Variants in MTA3 observed in about 807,000 individuals in gnomAD.
MTA3 encodes the protein metastasis associated 1 family member 3.
Under a neutral mutation model 83.5 loss-of-function variants are expected in MTA3, and 34 were observed. That is an observed-to-expected ratio of 0.41 (90% CI 0.31 to 0.54). The LOEUF (loss-of-function observed/expected upper bound fraction) is 0.54, where lower values mean the gene tolerates loss of function less well. Among genes scored for constraint, MTA3 ranks in the 20% least tolerant of loss-of-function variants. The pLI is 0.33. For missense variants in MTA3, 761 were observed against 726.4 expected (o/e 1.05, Z -0.55); for synonymous variants, 303 against 252.7 (o/e 1.20, Z -1.89).
chr2:42,660,980 C>T (rs1689640402), intron 8 of MTA3, among the ~76,000 whole-genome samples: 1 of 152,158 alleles, frequency 6.6e-6, no homozygotes, highest in African/African-American at 2.4e-5. Context: ...CCACTGCTCC[C>T]AGCCTTGTTT....
intron 3 of MTA3, among the ~76,000 whole-genome samples, chr2:42,593,061 G>C (rs913014154): frequency 2.6e-5 from 4 of 152,042 alleles, no homozygotes; most frequent in Admixed American, 6.5e-5. Flanking sequence ...ACTGAGGCAG[G>C]AGAATCGCTT....
chr2:42,582,209 C>G (rs1679743470), intron 3 of MTA3, among the ~76,000 whole-genome samples: 1 of 152,114 alleles, frequency 6.6e-6, no homozygotes. Flanking sequence ...AGGCGCCTGC[C>G]ACCACGCCCG....
intron 6 of MTA3, among the ~76,000 whole-genome samples, chr2:42,652,377 C>A (rs891269185): frequency 6.6e-6 from 1 of 152,204 alleles, no homozygotes; most frequent in Non-Finnish European, 1.5e-5. Flanking sequence ...GATCTCCCCC[C>A]ATCCCCCCAC....
intron 3 of MTA3, among the ~76,000 whole-genome samples, chr2:42,605,640 A>G (rs1248733615): frequency 4.4e-5 from 4 of 91,808 alleles, no homozygotes; most frequent in Non-Finnish European, 6.5e-5. Context: ...TCCCTCCCGG[A>G]CGGGGCGGCT....
chr2:42,721,695 C>T (rs898011115), intron 15 of MTA3, among the ~76,000 whole-genome samples: 1 of 152,058 alleles, frequency 6.6e-6, no homozygotes, highest in Middle Eastern at 3.2e-3. Context: ...TTAATTTCAG[C>T]CTTAAAAGAT....
intron 16 of MTA3, among the ~76,000 whole-genome samples, chr2:42,732,972 G>A (rs907068012): frequency 6.6e-6 from 1 of 152,170 alleles, no homozygotes; most frequent in African/African-American, 2.4e-5. Flanking sequence ...TTTGGGCAAA[G>A]CCATTCAGCA....
chr2:42,745,466 G>T (rs1326200206), intron 16 of MTA3, among the ~76,000 whole-genome samples: 1 of 152,154 alleles, frequency 6.6e-6, no homozygotes, highest in Non-Finnish European at 1.5e-5. Flanking sequence ...TTTTCTTATT[G>T]TTTCTCTATA....
intron 2 of MTA3, among the ~76,000 whole-genome samples, chr2:42,507,240 C>T (rs561405927): frequency 1.3e-5 from 2 of 152,210 alleles, no homozygotes; most frequent in Admixed American, 1.3e-4. Flanking sequence ...GGCACAATCA[C>T]AGCTCACTGT....
intron 2 of MTA3, among the ~76,000 whole-genome samples, chr2:42,505,032 C>T (rs796888618): frequency 3.9e-5 from 6 of 152,182 alleles, no homozygotes; most frequent in African/African-American, 1.4e-4. Flanking sequence ...AGGCACCATG[C>T]ACTCTGCTGC....
At chr2:42,748,090 G>A (rs1356774615) in intron 16 of MTA3, among the ~76,000 whole-genome samples, 3 of 151,976 alleles carry the variant, frequency 2.0e-5, no homozygotes, top group African/African-American at 7.3e-5. Flanking sequence ...GTGCAGTGGC[G>A]CGATCTCAGC....
At chr2:42,745,393 C>G (rs1210049535) in intron 16 of MTA3, among the ~76,000 whole-genome samples, 1 of 152,196 alleles carries the variant, frequency 6.6e-6, no homozygotes, top group Non-Finnish European at 1.5e-5. Flanking sequence ...GTATCTGGGA[C>G]TGAACATTCA....
At chr2:42,747,452 G>A (rs1272010038) in intron 16 of MTA3, among the ~76,000 whole-genome samples, 1 of 152,046 alleles carries the variant, frequency 6.6e-6, no homozygotes, top group Non-Finnish European at 1.5e-5. Flanking sequence ...CAGAATACTA[G>A]CATATGTTTT....
intron 2 of MTA3, among the ~76,000 whole-genome samples, chr2:42,540,572 C>G (rs997594000): frequency 3.9e-5 from 6 of 152,076 alleles, no homozygotes; most frequent in African/African-American, 1.4e-4. Flanking sequence ...CAGTAGCTCA[C>G]ACCTCTAATC....
At chr2:42,628,487 G>A (rs1014480340) in intron 4 of MTA3, among the ~76,000 whole-genome samples, 1 of 152,138 alleles carries the variant, frequency 6.6e-6, no homozygotes, top group African/African-American at 2.4e-5. Flanking sequence ...GCCTGCCTCA[G>A]CCTCCCAAAG....
Position 42,755,548 on chromosome 2 carries a change from A to T in MTA3, c.*2149A>T. 1.0e-6 allele frequency: 1 copy of T among 985,242 alleles called. No individual in the cohort carries two copies. The highest frequency in any genetic ancestry group is 1.2e-6 in the Non-Finnish European group (1 of 829,802). The allele number at this position is 985,242 out of a possible 1,614,324, so 61.0% of individuals were successfully genotyped here. On this transcript the variant is annotated 3_prime_UTR_variant, in exon 17 of 17. Transcript: ENST00000405094. ...AAGCTCGTGGTTCTGTAGTCCAGTC[A>T]TCCTAGGAGGGTGATGTTGACTGAG... is the stretch of plus-strand genomic sequence containing the variant.
chr2:42,753,385 T>C lies in MTA3; in HGVS notation c.1771T>C (p.Cys591Arg). The change falls in exon 17 of 17, where the codon TGT (cysteine) becomes CGT (arginine). Residue 591 changes from cysteine (C) to arginine (R), a missense_variant. Transcript: ENST00000405094. The part of the protein sequence containing the change: ...HHNGLDELTC[C>R]VSD Reference sequence around the variant, plus strand: ...CTTCCCTTTTCTAGAACTCACGTGCTGTGTGTCAGACTGAGCTTTCCCTGA... The same window carrying C: ...CTTCCCTTTTCTAGAACTCACGTGCCGTGTGTCAGACTGAGCTTTCCCTGA... 1.3e-6 allele frequency: 2 copies of C among 1,550,616 alleles called. No individual in the cohort carries two copies. Among genetic ancestry groups the C allele is most frequent in the African/African-American group, 1.4e-5 (1 of 73,184 alleles).
At chr2:42,508,937 C>G (rs1674773365) in intron 2 of MTA3, among the ~76,000 whole-genome samples, 1 of 149,856 alleles carries the variant, frequency 6.7e-6, no homozygotes, top group African/African-American at 2.4e-5. Context: ...AGGGGTTATA[C>G]ATCTCTGTAC....
At chr2:42,587,564 T>C (rs1005434580) in intron 3 of MTA3, among the ~76,000 whole-genome samples, 2 of 152,158 alleles carry the variant, frequency 1.3e-5, no homozygotes, top group African/African-American at 4.8e-5. Flanking sequence ...TTTCTGTTTT[T>C]TTCTCTCGAT....
intron 14 of MTA3, among the ~76,000 whole-genome samples, chr2:42,710,943 G>T (rs945722189): frequency 3.9e-5 from 6 of 152,010 alleles, no homozygotes; most frequent in African/African-American, 1.4e-4. Context: ...GCCAGGCATG[G>T]TGGCACACGC....
Sources: gnomAD v4.1 joint callset for allele counts (sites outside exome capture counted in the v4.1 genomes callset) on GRCh38, gnomAD v4.1.1 for gene constraint, MANE v1.5 for transcripts, NCBI Gene and HGNC (gene_info 2026-07-23, HGNC 2026-07-21) for gene names.